Variants in CD164L2 observed in about 807,000 individuals in gnomAD.
CD164L2 encodes CD164 molecule like 2, also known as CD164 sialomucin-like 2 protein.
A neutral mutation model predicts 23.9 loss-of-function variants in CD164L2; 21 were observed. The observed-to-expected ratio is 0.88, with a 90% CI of 0.62 to 1.27. CD164L2 has a LOEUF of 1.27. Among genes scored for constraint, CD164L2 ranks in the 50% most tolerant of loss-of-function variants. CD164L2 has a pLI of 0.00. For synonymous variants in CD164L2, 92 were observed against 90.2 expected (o/e 1.02, Z -0.11); for missense variants, 230 against 224.8 (o/e 1.02, Z -0.15).
chr1:27,382,618 G>C lies in CD164L2; in HGVS notation c.138C>G (p.Ile46Met). The change falls in exon 2 of 6, where the codon ATC becomes ATG. Residue 46 changes from isoleucine (I) to methionine (M), a missense_variant. Transcript: ENST00000374030. ...FGRGALIRLN[I>M]WPAVQGACKQ... The stretch of plus-strand genomic sequence containing the variant: ...TGCAGGCCCCTTGGACCGCCGGCCA[G>C]ATATTCAGGCGGATCAGGGCTCCCC... 6.2e-7 allele frequency: 1 copy of C among 1,613,068 alleles called. No individual in the cohort carries two copies. Among genetic ancestry groups the C allele is most frequent in the Non-Finnish European group, 8.5e-7 (1 of 1,179,916 alleles).
At chr1:27,382,780 T>C in intron 1 of CD164L2, 113 bp from the exon 2 acceptor site, 4 of 1,130,076 alleles carry the variant, frequency 3.5e-6, no homozygotes, top group Non-Finnish European at 4.9e-6. Flanking sequence ...ACATCTGGGC[T>C]CTCACACTCA....
intron 5 of CD164L2, 95 bp downstream of exon 5, chr1:27,379,956 G>A: frequency 6.4e-7 from 1 of 1,554,468 alleles, no homozygotes. Context: ...CTTGCCCATG[G>A]AGAAGACAGC....
At position 27,383,318 on chromosome 1, in the gene CD164L2, G is replaced by A. The variant is rs1163562679; in HGVS notation, c.-79C>T. ...GCCGGGCGCGTCCCTCCCAGACTGG[G>A]CTCGGCTGAGCGTGTGCGGAGCGAG... On this transcript the variant is annotated 5_prime_UTR_variant, in exon 1 of 6. Transcript: ENST00000374030. 6.5e-6 allele frequency: 6 copies of A among 923,158 alleles called. No homozygotes were observed. The South Asian group carries it at 7.9e-5, about 12-fold the overall frequency. 57.2% of individuals were successfully genotyped at this position (923,158 alleles called of 1,614,324 possible). A position where few individuals can be genotyped will look rare whatever the true frequency, so the allele number is the denominator to read the frequency against.
At chr1:27,379,784 C>A in intron 5 of CD164L2, 7 of 1,434,600 alleles carry the variant, frequency 4.9e-6, no homozygotes, top group Non-Finnish European at 6.4e-6. Flanking sequence ...CTCTTCCCTG[C>A]TGGCAGCATG....
chr1:27,381,875 C>G, intron 3 of CD164L2, 51 bp from the exon 4 acceptor site: 1 of 1,607,780 alleles, frequency 6.2e-7, no homozygotes, highest in Non-Finnish European at 8.5e-7. Flanking sequence ...CCCCTGACTC[C>G]CATCAAGACC....
At position 27,383,330 on chromosome 1, in the gene CD164L2, G is replaced by T. The variant is rs911225952; in HGVS notation, c.-91C>A. ...CCTCCCAGACTGGGCTCGGCTGAGC[G>T]TGTGCGGAGCGAGACCTGGGCAACC... On this transcript the variant is annotated 5_prime_UTR_variant, in exon 1 of 6. Transcript: ENST00000374030. 2 of 836,732 alleles carry T rather than the reference G, an allele frequency of 2.4e-6. No homozygotes were observed. Among genetic ancestry groups the T allele is most frequent in the African/African-American group, 1.8e-5 (1 of 57,046 alleles). 51.8% of individuals were successfully genotyped at this position (836,732 alleles called of 1,614,324 possible).
chr1:27,382,337 C>G lies in CD164L2; in HGVS notation c.319G>C (p.Ala107Pro), dbSNP rs997863599. Residue 107 changes from alanine (A) to proline (P), a missense_variant, in exon 3 of 6, where the codon GCA becomes CCA. Transcript: ENST00000374030. Reference protein sequence around the residue: ...EGCSIYNRSEACPAAHHHPTY... With the variant: ...EGCSIYNRSEPCPAAHHHPTY... ...GCAAGAACCCCCTTACCTGGACATG[C>G]CTCTGAGCGGTTGTAGATGGAGCAA... 1 of 1,614,056 alleles carries G rather than the reference C, an allele frequency of 6.2e-7. No homozygotes were observed. The highest frequency in any genetic ancestry group is 1.3e-5 in the African/African-American group (1 of 75,030).
At chr1:27,380,373 A>G (rs2016314916) in intron 4 of CD164L2, among the ~76,000 whole-genome samples, 178 bp from the exon 5 acceptor site, 1 of 152,140 alleles carries the variant, frequency 6.6e-6, no homozygotes, top group Non-Finnish European at 1.5e-5. Flanking sequence ...GGTGGGAGGA[A>G]CAGTGGCAGG....
Position 27,383,256 on chromosome 1 carries a change from G to T in CD164L2, c.-17C>A, listed in dbSNP as rs1367000370. ...AGCCTCCATGGGCTCGCGGGGTGGGGGTGGCCGGGGGCGGTGGCCGGGATC... is the reference window on the plus strand; with the variant it reads ...AGCCTCCATGGGCTCGCGGGGTGGGTGTGGCCGGGGGCGGTGGCCGGGATC... On this transcript the variant is annotated 5_prime_UTR_variant, in exon 1 of 6. Coordinates refer to ENST00000374030, the MANE Select transcript of CD164L2 (RefSeq NM_001330448.1). The T allele has an allele frequency of 2.1e-5, 32 of 1,510,862 alleles. No individual in the cohort carries two copies. The highest frequency in any genetic ancestry group is 2.8e-5 in the Non-Finnish European group (31 of 1,120,356). 93.6% of individuals were successfully genotyped at this position (1,510,862 alleles called of 1,614,324 possible).
chr1:27,383,255 G>A lies in CD164L2; in HGVS notation c.-16C>T, dbSNP rs1032080880. 2.0e-6 allele frequency: 3 copies of A among 1,510,364 alleles called. No individual in the cohort carries two copies. The African/African-American group carries it at 4.2e-5, about 21-fold the overall frequency. 93.6% of individuals were successfully genotyped at this position (1,510,364 alleles called of 1,614,324 possible). On this transcript the variant is annotated 5_prime_UTR_variant, in exon 1 of 6. Transcript: ENST00000374030. ...GAGCCTCCATGGGCTCGCGGGGTGG[G>A]GGTGGCCGGGGGCGGTGGCCGGGAT...
intron 5 of CD164L2, 147 bp downstream of exon 5, chr1:27,379,904 G>C: frequency 1.3e-6 from 2 of 1,512,536 alleles, no homozygotes; most frequent in Non-Finnish European, 1.8e-6. Flanking sequence ...GGAGACAAAA[G>C]GGGTGTGGCT....
In CD164L2 at chr1:27,379,988, C is replaced by T. The variant is rs191291802; in HGVS notation, c.518+63G>A. ...CAGCACCCTGGGTACTGAAGGGGAA[C>T]GGTGGGGCAGGAACCAGGAGGTAAG... On this transcript the variant is annotated intron_variant, in intron 5 of 5. Transcript: ENST00000374030. 442 of 1,590,082 alleles carry T rather than the reference C, an allele frequency of 2.8e-4. No individual in the cohort carries two copies. The African/African-American group carries it at 4.0e-3, about 15-fold the overall frequency.
chr1:27,381,328 T>C (rs565215401), intron 4 of CD164L2, among the ~76,000 whole-genome samples: 8 of 152,258 alleles, frequency 5.3e-5, no homozygotes, highest in South Asian at 4.1e-4. Context: ...CTCCAGCCCC[T>C]GAGAGGGAGT....
At chr1:27,382,769 C>T in intron 1 of CD164L2, 102 bp from the exon 2 acceptor site, 1 of 1,257,272 alleles carries the variant, frequency 8.0e-7, no homozygotes, top group Non-Finnish European at 1.1e-6. Flanking sequence ...CCCCTCTGCA[C>T]ACATCTGGGC....
Position 27,379,271 on chromosome 1 carries a change from G to T in CD164L2, c.*232C>A. 1 of 595,066 alleles carries T rather than the reference G, an allele frequency of 1.7e-6. No homozygotes were observed. The highest frequency in any genetic ancestry group is 2.8e-5 in the East Asian group (1 of 35,702). The allele number at this position is 595,066 out of a possible 1,614,324, so 36.9% of individuals were successfully genotyped here. On this transcript the variant is annotated 3_prime_UTR_variant, in exon 6 of 6. Transcript: ENST00000374030. ...CACTGTCAGGCTGGGGGGCCCAGCA[G>T]GGGCGATGGAGGAGACGAGGTGGTT...
At chr1:27,381,132 C>T (rs1291235924) in intron 4 of CD164L2, among the ~76,000 whole-genome samples, 1 of 152,178 alleles carries the variant, frequency 6.6e-6, no homozygotes, top group Non-Finnish European at 1.5e-5. Flanking sequence ...TCCCAGCTCC[C>T]GCTCAGGGAG....
Position 27,379,344 on chromosome 1 carries a change from G to A in CD164L2, c.*159C>T, listed in dbSNP as rs2016295252. 1.5e-6 allele frequency: 1 copy of A among 669,354 alleles called. No individual in the cohort carries two copies. 41.5% of individuals were successfully genotyped at this position (669,354 alleles called of 1,614,324 possible). On this transcript the variant is annotated 3_prime_UTR_variant, in exon 6 of 6. Transcript: ENST00000374030. ...TTCCAGGCCCAGGACAGGAGGAGAT[G>A]TCAGGCATCAGACACTGAGCCTGCT...
chr1:27,380,857 C>A (rs1167695996), intron 4 of CD164L2, among the ~76,000 whole-genome samples: 2 of 152,234 alleles, frequency 1.3e-5, no homozygotes, highest in Admixed American at 6.5e-5. Flanking sequence ...GGTCCCCTGA[C>A]CATCTCCTCT....
Position 27,383,286 on chromosome 1 carries a change from G to A in CD164L2, c.-47C>T. On this transcript the variant is annotated 5_prime_UTR_variant, in exon 1 of 6. Coordinates refer to ENST00000374030, the MANE Select transcript of CD164L2 (RefSeq NM_001330448.1). ...CCGGGGGCGGTGGCCGGGATCGGTG[G>A]ACAGCTGCCGGGCGCGTCCCTCCCA... The A allele has an allele frequency of 8.0e-7, 1 of 1,253,064 alleles. No homozygotes were observed. The highest frequency in any genetic ancestry group is 2.0e-5 in the Admixed American group (1 of 49,304). The allele number at this position is 1,253,064 out of a possible 1,614,324, so 77.6% of individuals were successfully genotyped here.
Sources: gnomAD v4.1 joint callset for allele counts (sites outside exome capture counted in the v4.1 genomes callset) on GRCh38, gnomAD v4.1.1 for gene constraint, MANE v1.5 for transcripts, NCBI Gene and HGNC (gene_info 2026-07-23, HGNC 2026-07-21) for gene names.